Variants in UBN2 observed in about 807,000 individuals in gnomAD.
UBN2 encodes ubinuclein-2.
In UBN2, 35 loss-of-function variants were observed where a neutral mutation model predicts 120.2. The ratio of observed to expected loss-of-function variants is 0.29; its 90% CI spans 0.22 to 0.39. The LOEUF (loss-of-function observed/expected upper bound fraction) is 0.39. Among genes scored for constraint, UBN2 ranks in the 10% least tolerant of loss-of-function variants. UBN2 has a pLI of 1.00. For missense variants in UBN2, 1,693 were observed against 1,663.2 expected (o/e 1.02, Z -0.31); for synonymous variants, 661 against 648.7 (o/e 1.02, Z -0.29).
At chr7:139,316,761 A>ATG in the UBN2 span, among the ~76,000 whole-genome samples, 1 of 151,010 alleles carries the variant, frequency 6.6e-6, no homozygotes, top group African/African-American at 2.5e-5. Flanking sequence ...ATAAAAAATT[A>ATG]TGTATGTGTG....
chr7:139,236,817 A>G (rs1158113572), intron 1 of UBN2, among the ~76,000 whole-genome samples, 188 bp from the exon 2 acceptor site: 2 of 151,986 alleles, frequency 1.3e-5, no homozygotes, highest in Admixed American at 6.6e-5. Context: ...TTTAAGATAT[A>G]GTCTCTGAGT....
chr7:139,328,591 A>T, the UBN2 span, among the ~76,000 whole-genome samples: 4 of 152,200 alleles, frequency 2.6e-5, no homozygotes, highest in Non-Finnish European at 5.9e-5. Flanking sequence ...GAGCTGAGAC[A>T]TAGGTCATCT....
At chr7:139,323,792 G>A in the UBN2 span, among the ~76,000 whole-genome samples, 2 of 152,002 alleles carry the variant, frequency 1.3e-5, no homozygotes, top group Non-Finnish European at 2.9e-5. Context: ...GTTTCACCAT[G>A]TTGGCCAGGC....
downstream of UBN2, among the ~76,000 whole-genome samples, chr7:139,310,537 A>G (rs894042353): frequency 2.6e-5 from 4 of 152,136 alleles, no homozygotes; most frequent in South Asian, 2.1e-4. Flanking sequence ...TTGGGAGGCC[A>G]AGGGAGGCGG....
In UBN2 at chr7:139,279,313, C is replaced by T. The variant is rs765656011; in HGVS notation, c.2025-5C>T. 6 of 1,608,506 alleles carry T rather than the reference C, an allele frequency of 3.7e-6. No homozygotes were observed. The highest frequency in any genetic ancestry group is 2.2e-5 in the East Asian group (1 of 44,690). ...AAATAGCCTTTTAAAATCTTTTTAT[C>T]TTAGGGCAAAGAAAAAGGTGATTCC... On this transcript the variant is annotated splice_polypyrimidine_tract_variant and splice_region_variant and intron_variant, in intron 12 of 17. Coordinates refer to ENST00000473989, the MANE Select transcript of UBN2 (RefSeq NM_173569.4).
At chr7:139,251,753 A>G (rs1042522307) in intron 2 of UBN2, among the ~76,000 whole-genome samples, 7 of 152,232 alleles carry the variant, frequency 4.6e-5, no homozygotes, top group African/African-American at 1.2e-4. Flanking sequence ...GTTTTCTACT[A>G]TGAAGTTACT....
intron 2 of UBN2, among the ~76,000 whole-genome samples, chr7:139,239,551 CTTTTTTTTTTTTTT>C (rs774812960): frequency 1.1e-5 from 1 of 94,580 alleles, no homozygotes; most frequent in African/African-American, 4.6e-5. Context: ...ATTAGAGTGT[CTTTTTTTTTTTTTT>C]TTTTTTTTTG....
At chr7:139,244,643 A>G (rs1179558129) in intron 2 of UBN2, among the ~76,000 whole-genome samples, 1 of 152,104 alleles carries the variant, frequency 6.6e-6, no homozygotes. Context: ...CGTAATGACC[A>G]TGGTTATCTG....
chr7:139,278,104 A>C (rs912334450), intron 12 of UBN2, among the ~76,000 whole-genome samples: 1 of 152,066 alleles, frequency 6.6e-6, no homozygotes, highest in Non-Finnish European at 1.5e-5. Context: ...TATACATTAC[A>C]ATTCAGGTAC....
the UBN2 span, among the ~76,000 whole-genome samples, chr7:139,324,980 A>T: frequency 3.3e-5 from 5 of 152,176 alleles, no homozygotes; most frequent in South Asian, 2.1e-4. Context: ...AAAAAAAAAA[A>T]TAAGATTTTT....
Position 139,283,375 on chromosome 7 carries a change from A to G in UBN2, c.2470A>G (p.Thr824Ala). ...AGCTACTCCCAAAAAACTAGATTCTACTCAGACTACACATTCTTCAAGTCT... is the reference window on the plus strand; with the variant it reads ...AGCTACTCCCAAAAAACTAGATTCTGCTCAGACTACACATTCTTCAAGTCT... ...PLATPKKLDS[T>A]QTTHSSSLIA... The change falls in exon 15 of 18, where the codon ACT becomes GCT. Residue 824 changes from threonine to alanine, a missense_variant. Transcript: ENST00000473989. The G allele has an allele frequency of 6.2e-7, 1 of 1,613,948 alleles. No homozygotes were observed. Among genetic ancestry groups the G allele is most frequent in the Non-Finnish European group, 8.5e-7 (1 of 1,180,000 alleles).
At position 139,304,169 on chromosome 7, in the gene UBN2, G is replaced by C. The variant is rs1798317778; in HGVS notation, c.*6333G>C. ...GTATCCAGCTCTGCACTGAAGGGGT[G>C]AGCACTACACACAGTCAGCTGGATA... On this transcript the variant is annotated 3_prime_UTR_variant, in exon 18 of 18. Transcript: ENST00000473989. 6.6e-6 allele frequency: 1 copy of C among 152,080 alleles called. No individual in the cohort carries two copies. The highest frequency in any genetic ancestry group is 1.5e-5 in the Non-Finnish European group (1 of 68,012). 9.4% of individuals were successfully genotyped at this position (152,080 alleles called of 1,614,324 possible).
At chr7:139,232,716 A>G (rs1796061482) in intron 1 of UBN2, among the ~76,000 whole-genome samples, 2 of 152,124 alleles carry the variant, frequency 1.3e-5, no homozygotes, top group Admixed American at 1.3e-4. Flanking sequence ...GTGTACTATC[A>G]TTAGTTTATA....
chr7:139,254,176 C>T (rs1330481286), intron 3 of UBN2, among the ~76,000 whole-genome samples: 1 of 152,062 alleles, frequency 6.6e-6, no homozygotes, highest in East Asian at 1.9e-4. Context: ...GCCTGTAGTC[C>T]CAGCTACTCG....
At chr7:139,239,763 G>C (rs1405015257) in intron 2 of UBN2, among the ~76,000 whole-genome samples, 6 of 152,018 alleles carry the variant, frequency 3.9e-5, no homozygotes, top group Non-Finnish European at 7.4e-5. Context: ...CACCATGTTG[G>C]TCAGGCTGGT....
In UBN2 at chr7:139,308,043, A is replaced by AT. The variant is rs1252655683; in HGVS notation, c.*10214dup. On this transcript the variant is annotated 3_prime_UTR_variant, in exon 18 of 18. Coordinates refer to ENST00000473989, the MANE Select transcript of UBN2 (RefSeq NM_173569.4). The stretch of plus-strand genomic sequence containing the variant: ...TTTTTGTGTTTTTTTTTTTTTTTTA[A>AT]TTTTTTTGCAACAGCCTTGCTCATA... The AT allele has an allele frequency of 2.1e-5, 3 of 142,198 alleles. No homozygotes were observed. Among genetic ancestry groups the AT allele is most frequent in the Non-Finnish European group, 3.1e-5 (2 of 65,520 alleles). 8.8% of individuals were successfully genotyped at this position (142,198 alleles called of 1,614,324 possible).
rs754412354 is a variant in UBN2, at chr7:139,283,704, A to G, written c.2799A>G (p.Ser933=). 9 of 1,614,100 alleles carry G rather than the reference A, an allele frequency of 5.6e-6. No individual in the cohort carries two copies. The highest frequency in any genetic ancestry group is 7.6e-6 in the Non-Finnish European group (9 of 1,180,014). ...LTQVTKVHQH[S]AVQQNYVSPL... is the part of the protein sequence containing the mutation. ...AAGTAACAAAGGTGCACCAGCATTC[A>G]GCTGTCCAGCAGAACTATGTGTCTC... The change falls in exon 15 of 18, where the codon TCA becomes TCG. Residue 933 remains serine (S), a synonymous_variant. Coordinates refer to ENST00000473989, the MANE Select transcript of UBN2 (RefSeq NM_173569.4).
chr7:139,259,343 C>A lies in UBN2; in HGVS notation c.878C>A (p.Pro293Gln). 6.2e-7 allele frequency: 1 copy of A among 1,613,620 alleles called. No individual in the cohort carries two copies. Among genetic ancestry groups the A allele is most frequent in the Non-Finnish European group, 8.5e-7 (1 of 1,179,838 alleles). The part of the protein sequence containing the change: ...RKEEGEKEKK[P>Q]RKKVPKQLGV... ...GAGGAAGGGGAAAAGGAGAAGAAGC[C>A]AAGGAAAAAAGTTCCCAAACAACTG... is the stretch of plus-strand genomic sequence containing the variant. The change falls in exon 5 of 18, where the codon CCA (proline) becomes CAA (glutamine). Residue 293 changes from proline (P) to glutamine (Q), a missense_variant. By Grantham distance (76) the Pro-to-Gln change is moderately conservative (BLOSUM62 -1). This residue lies in a region of UBN2 where 663 missense variants were observed against 591.2 expected (regional missense o/e 1.12). Transcript: ENST00000473989.
chr7:139,275,958 T>C, intron 11 of UBN2, 139 bp from the exon 12 acceptor site: 3 of 672,720 alleles, frequency 4.5e-6, no homozygotes, highest in Non-Finnish European at 7.6e-6. Flanking sequence ...GATTATTGAG[T>C]ATACTGTACC....
Sources: allele counts gnomAD v4.1 joint callset (sites outside exome capture counted in the v4.1 genomes callset), GRCh38; gene constraint gnomAD v4.1.1; regional missense constraint gnomAD v4.1.1; transcripts MANE v1.5; gene names NCBI Gene and HGNC (gene_info 2026-07-23, HGNC 2026-07-21).